The following BAHCC1 variants were observed in gnomAD, a reference collection of about 807,000 sequenced individuals.
BAHCC1 encodes the protein BAH domain and coiled-coil containing 1.
A neutral mutation model predicts 88.2 loss-of-function variants in BAHCC1; 43 were observed. That is an observed-to-expected ratio of 0.49 (90% CI 0.38 to 0.63). The LOEUF is 0.63. BAHCC1 is among the 20% of genes least tolerant of loss of function. The pLI is 0.00. For missense variants in BAHCC1, 3,023 were observed against 1,654.8 expected (o/e 1.83, Z -14.34); for synonymous variants, 1,510 against 745.5 (o/e 2.03, Z -16.71).
intron 6 of BAHCC1, 135 bp from the exon 7 acceptor site, chr17:81,444,246 G>T: frequency 1.6e-6 from 1 of 622,618 alleles, no homozygotes; most frequent in Non-Finnish European, 2.9e-6. Context: ...ATGGCAGGGG[G>T]TGGGACAGGG....
At chr17:81,436,310 C>T (rs979431747) in intron 3 of BAHCC1, among the ~76,000 whole-genome samples, 33 of 152,332 alleles carry the variant, frequency 2.2e-4, no homozygotes, top group African/African-American at 7.9e-4. Context: ...GCTGCCCACC[C>T]GCAGCTGCCC....
At chr17:81,397,693 C>T (rs2063760602) in intron 1 of BAHCC1, among the ~76,000 whole-genome samples, 1 of 152,164 alleles carries the variant, frequency 6.6e-6, no homozygotes, top group Non-Finnish European at 1.5e-5. Context: ...GAGCACTCTC[C>T]GGGCCCTGGC....
Position 81,442,291 on chromosome 17 carries a change from G to C in BAHCC1, c.942G>C (p.Val314=). 1 of 631,778 alleles carries C rather than the reference G, an allele frequency of 1.6e-6. No individual in the cohort carries two copies. The highest frequency in any genetic ancestry group is 2.8e-6 in the Non-Finnish European group (1 of 352,794). 39.1% of individuals were successfully genotyped at this position (631,778 alleles called of 1,614,324 possible). Residue 314 remains valine, a synonymous_variant, in exon 5 of 28, where the codon GTG becomes GTC. Coordinates refer to ENST00000675386, the MANE Select transcript of BAHCC1 (RefSeq NM_001377448.1). ...GGMLGRPGTG[V]VTSGRCAKEA... ...TGCTGGGGCGGCCTGGCACGGGGGT[G>C]GTGACCTCCGGGCGCTGTGCAAAGG...
chr17:81,444,623 T>C, intron 7 of BAHCC1, 45 bp from the exon 8 acceptor site: 2 of 758,042 alleles, frequency 2.6e-6, no homozygotes, highest in South Asian at 2.7e-5. Context: ...TCCCTCCTGG[T>C]CCCCGAGAGT....
At chr17:81,450,228 CCCACCCCCA>C (rs1168671988) in intron 11 of BAHCC1, among the ~76,000 whole-genome samples, 1 of 152,120 alleles carries the variant, frequency 6.6e-6, no homozygotes, top group African/African-American at 2.4e-5. Context: ...GCCATCACCA[CCCACCCCCA>C]CCGCAAGGTG....
At chr17:81,427,281 A>G (rs1247838913) in intron 3 of BAHCC1, among the ~76,000 whole-genome samples, 1 of 152,138 alleles carries the variant, frequency 6.6e-6, no homozygotes, top group African/African-American at 2.4e-5. Flanking sequence ...AATGTGGAGC[A>G]CAGCTGGGCC....
rs782340923 is a variant in BAHCC1 at position 81,461,159 on chromosome 17, G to T, written c.6496G>T (p.Ala2166Ser). ...CTTCAGCAGCCTGGCCAGCTCCTAC[G>T]CGCCCTTCGTCGGGGGGACCGGGCC... is the stretch of plus-strand genomic sequence containing the variant. ...DSFSSLASSY[A>S]PFVGGTGPGL... Residue 2166 changes from alanine (A) to serine (S), a missense_variant, in exon 26 of 28, where the codon GCG (alanine) becomes TCG (serine). Coordinates refer to ENST00000675386, the MANE Select transcript of BAHCC1 (RefSeq NM_001377448.1). 2 of 758,370 alleles carry T rather than the reference G, an allele frequency of 2.6e-6. No individual in the cohort carries two copies. The highest frequency in any genetic ancestry group is 4.8e-6 in the Non-Finnish European group (2 of 413,320). The allele number at this position is 758,370 out of a possible 1,614,324, so 47.0% of individuals were successfully genotyped here.
At chr17:81,410,961 C>A in intron 2 of BAHCC1, 1 of 428,212 alleles carries the variant, frequency 2.3e-6, no homozygotes, top group Non-Finnish European at 4.7e-6. Flanking sequence ...TCAGACCTCT[C>A]TAGGTCCCTC....
In BAHCC1 at chr17:81,459,269, G is replaced by C. The variant is rs782214674; in HGVS notation, c.5737G>C (p.Glu1913Gln). Reference protein sequence around the residue: ...QPPDIYSIVIEGERGNRQRIY... With the variant: ...QPPDIYSIVIQGERGNRQRIY... The stretch of plus-strand genomic sequence containing the variant: ...TGCCCCCAGCTATAGCATCGTCATC[G>C]AGGGCGAGAGGGGCAACCGGCAGAG... The change falls in exon 22 of 28, where the codon GAG becomes CAG. Residue 1913 changes from glutamate (E) to glutamine (Q), a missense_variant. By Grantham distance (29) the Glu-to-Gln change is conservative (BLOSUM62 2). Transcript: ENST00000675386. 1.3e-6 allele frequency: 1 copy of C among 779,466 alleles called. No homozygotes were observed. The highest frequency in any genetic ancestry group is 2.4e-6 in the Non-Finnish European group (1 of 417,738). 48.3% of individuals were successfully genotyped at this position (779,466 alleles called of 1,614,324 possible).
At position 81,441,842 on chromosome 17, in the gene BAHCC1, C is replaced by G; in HGVS notation, c.493C>G (p.Leu165Val). The change falls in exon 5 of 28, where the codon CTG becomes GTG. Residue 165 changes from leucine (L) to valine (V), a missense_variant. Physicochemically the swap from Leu to Val is conservative, Grantham distance 32 (BLOSUM62 1). Coordinates refer to ENST00000675386, the MANE Select transcript of BAHCC1 (RefSeq NM_001377448.1). ...TCTTTCCCACACAGATAACTTCTAC[C>G]TGCGCAACCTGCCGCCCCAGCCCAC... is the stretch of plus-strand genomic sequence containing the variant. ...FYGTQKDNFYLRNLPPQPTLL... is the reference protein window; with the variant it reads ...FYGTQKDNFYVRNLPPQPTLL... The G allele has an allele frequency of 1.5e-6, 1 of 659,004 alleles. No homozygotes were observed. Among genetic ancestry groups the G allele is most frequent in the African/African-American group, 1.9e-5 (1 of 54,042 alleles). The allele number at this position is 659,004 out of a possible 1,614,324, so 40.8% of individuals were successfully genotyped here. A position where few individuals can be genotyped will look rare whatever the true frequency, so the allele number is the denominator to read the frequency against.
chr17:81,438,087 G>A (rs1367812525), intron 3 of BAHCC1, among the ~76,000 whole-genome samples: 4 of 152,230 alleles, frequency 2.6e-5, no homozygotes, highest in African/African-American at 9.6e-5. Context: ...GAGCTTCCGC[G>A]ATCCTGAGTG....
chr17:81,461,699 T>C lies in BAHCC1; in HGVS notation c.7036T>C (p.Ser2346Pro), dbSNP rs781783633. The C allele has an allele frequency of 2.1e-5, 15 of 720,396 alleles. No individual in the cohort carries two copies. The highest frequency in any genetic ancestry group is 3.6e-5 in the Non-Finnish European group (14 of 386,710). 44.6% of individuals were successfully genotyped at this position (720,396 alleles called of 1,614,324 possible). A position where few individuals can be genotyped will look rare whatever the true frequency, so the allele number is the denominator to read the frequency against. The change falls in exon 26 of 28, where the codon TCC becomes CCC. Residue 2346 changes from serine (S) to proline (P), a missense_variant. Coordinates refer to ENST00000675386, the MANE Select transcript of BAHCC1 (RefSeq NM_001377448.1). ...SLCSSDNEDSSYSSDDEDPAL... is the reference protein window; with the variant it reads ...SLCSSDNEDSPYSSDDEDPAL... ...CTGCTCCTCCGACAACGAGGACTCG[T>C]CCTACAGCTCAGACGACGAGGACCC...
rs907089765 is a variant in BAHCC1 at position 81,397,673 on chromosome 17, C to A, written c.-206-1861C>A. ...CTCCCCTGACCCCTGCGCTCGCAGC[C>A]CCCTCGCCAGAGCACTCTCCGGGCC... is the stretch of plus-strand genomic sequence containing the variant. On this transcript the variant is annotated intron_variant, in intron 1 of 27. Coordinates refer to ENST00000675386, the MANE Select transcript of BAHCC1 (RefSeq NM_001377448.1). Among the ~76,000 whole-genome samples the A allele has an allele frequency of 2.0e-5, 3 of 152,140 alleles. No individual in the cohort carries two copies. The South Asian group carries it at 6.2e-4, about 32-fold the overall frequency.
rs1187930116 is a variant in BAHCC1 at position 81,400,031 on chromosome 17, C to T, written c.178+114C>T. 6.3e-6 allele frequency: 6 copies of T among 957,888 alleles called. No individual in the cohort carries two copies. The African/African-American group carries it at 8.7e-5, about 14-fold the overall frequency. 59.3% of individuals were successfully genotyped at this position (957,888 alleles called of 1,614,324 possible). A position where few individuals can be genotyped will look rare whatever the true frequency, so the allele number is the denominator to read the frequency against. On this transcript the variant is annotated intron_variant, in intron 2 of 27. Transcript: ENST00000675386. ...TTTGGTTTCATTTCCCGGCCCCGGC[C>T]GCGGTGGCTGCCTGGGCGCTGAGCG...
chr17:81,465,733 C>G lies in BAHCC1; in HGVS notation c.*1916C>G, dbSNP rs2030659731. On this transcript the variant is annotated 3_prime_UTR_variant, in exon 28 of 28. Coordinates refer to ENST00000675386, the MANE Select transcript of BAHCC1 (RefSeq NM_001377448.1). ...CCTGCTGGCTGGACCCCCTGAAGGG[C>G]CGTTCCCAGAGGCTCCCCAGGAGGC... 6.6e-6 allele frequency: 1 copy of G among 152,320 alleles called. No homozygotes were observed. The highest frequency in any genetic ancestry group is 2.4e-5 in the African/African-American group (1 of 41,476). 9.4% of individuals were successfully genotyped at this position (152,320 alleles called of 1,614,324 possible). A position where few individuals can be genotyped will look rare whatever the true frequency, so the allele number is the denominator to read the frequency against.
chr17:81,441,213 C>T (rs1407199849), intron 4 of BAHCC1, among the ~76,000 whole-genome samples: 3 of 152,110 alleles, frequency 2.0e-5, no homozygotes, highest in South Asian at 2.1e-4. Context: ...GAGTGTTTCA[C>T]GGGGACAGAA....
At position 81,426,885 on chromosome 17, in the gene BAHCC1, G is replaced by T. The variant is rs1272426278; in HGVS notation, c.264G>T (p.Thr88=). Reference sequence around the variant, plus strand: ...GCAGCCTGGGCTCGGCAGCCTCCACGCACCCCAGCGGCCCCAGCTCCTCCC... The same window carrying T: ...GCAGCCTGGGCTCGGCAGCCTCCACTCACCCCAGCGGCCCCAGCTCCTCCC... ...LTSSLGSAAS[T]HPSGPSSSPP... The change falls in exon 3 of 28, where the codon ACG becomes ACT. Residue 88 remains threonine (T), a synonymous_variant. Transcript: ENST00000675386. The T allele has an allele frequency of 5.0e-6, 2 of 399,004 alleles. No homozygotes were observed. The highest frequency in any genetic ancestry group is 3.6e-5 in the East Asian group (1 of 28,108). 24.7% of individuals were successfully genotyped at this position (399,004 alleles called of 1,614,324 possible).
At chr17:81,419,762 C>CT (rs1414376277) in intron 2 of BAHCC1, among the ~76,000 whole-genome samples, 2 of 146,838 alleles carry the variant, frequency 1.4e-5, no homozygotes, top group Non-Finnish European at 3.0e-5. Context: ...CGCTGCTTCT[C>CT]TGGAGCTGCC....
chr17:81,437,150 GC>G (rs2064347845), intron 3 of BAHCC1, among the ~76,000 whole-genome samples: 1 of 152,092 alleles, frequency 6.6e-6, no homozygotes, highest in Admixed American at 6.5e-5. Flanking sequence ...GAGGGTGAGG[GC>G]CCCCCGCCCT....
Sources: gnomAD v4.1 joint callset for allele counts (sites outside exome capture counted in the v4.1 genomes callset) on GRCh38, gnomAD v4.1.1 for gene constraint, MANE v1.5 for transcripts, NCBI Gene and HGNC (gene_info 2026-07-23, HGNC 2026-07-21) for gene names.